The following KCTD8 variants were observed in gnomAD, a reference collection of about 807,000 sequenced individuals.
The protein encoded by KCTD8 is BTB/POZ domain-containing protein KCTD8.
In KCTD8, 27 loss-of-function variants were observed where a neutral mutation model predicts 31.5. That is an observed-to-expected ratio of 0.86 (90% CI 0.63 to 1.18). KCTD8 has a LOEUF of 1.18. KCTD8 is among the 50% of genes most tolerant of loss of function. The pLI, the probability that KCTD8 is intolerant of heterozygous loss-of-function variation, is 0.00. For missense variants in KCTD8, 658 were observed against 647.7 expected, an observed-to-expected ratio of 1.02 and a Z score of -0.17; for synonymous variants, 290 against 280.0, an observed-to-expected ratio of 1.04 and a Z score of -0.36.
In KCTD8 at chr4:44,448,452, G is replaced by T; in HGVS notation, c.72C>A (p.Ser24Arg). The change falls in exon 1 of 2, where the codon AGC becomes AGA. Residue 24 changes from serine (S) to arginine (R), a missense_variant. Transcript: ENST00000360029. This position sits in a 1 kb window ranked among gnomAD's most constrained non-coding sequence, Gnocchi z 4.1. ...CGGCGGCGGCCGACGCGCCGGGCGA[G>T]CTGGACGAGGAAACCATCTCGCTAA... ...LPISEMVSSSSSPGASAAAAP... is the reference protein window; with the variant it reads ...LPISEMVSSSRSPGASAAAAP... The T allele has an allele frequency of 6.5e-7, 1 of 1,546,134 alleles. No homozygotes were observed. The highest frequency in any genetic ancestry group is 8.7e-7 in the Non-Finnish European group (1 of 1,154,344).
intron 1 of KCTD8, among the ~76,000 whole-genome samples, chr4:44,265,663 T>C (rs181893196): frequency 2.4e-3 from 372 of 152,002 alleles, no homozygotes; most frequent in Non-Finnish European, 4.4e-3. Flanking sequence ...TAGACAAATG[T>C]ATAACTAGAA....
chr4:44,378,216 A>G (rs1450965567), intron 1 of KCTD8, among the ~76,000 whole-genome samples: 1 of 137,018 alleles, frequency 7.3e-6, no homozygotes, highest in African/African-American at 2.8e-5. Flanking sequence ...ATATGTATGT[A>G]TATTTTATAT....
At chr4:44,176,259 G>T (rs563883685) in intron 1 of KCTD8, among the ~76,000 whole-genome samples, 1 of 152,278 alleles carries the variant, frequency 6.6e-6, no homozygotes, top group South Asian at 2.1e-4. Flanking sequence ...CAATTGCCCA[G>T]GGGTTCTATT....
chr4:44,310,682 C>T (rs1717922622), intron 1 of KCTD8, among the ~76,000 whole-genome samples: 1 of 152,066 alleles, frequency 6.6e-6, no homozygotes, highest in Non-Finnish European at 1.5e-5. Flanking sequence ...AGGAATAAAA[C>T]ATAATTAGTT....
intron 1 of KCTD8, among the ~76,000 whole-genome samples, chr4:44,364,971 C>T (rs1719592323): frequency 1.3e-5 from 2 of 151,890 alleles, no homozygotes; most frequent in African/African-American, 4.8e-5. Context: ...AGAAACTATT[C>T]TGTATGAAAC....
intron 1 of KCTD8, among the ~76,000 whole-genome samples, chr4:44,360,860 G>C (rs1230013929): frequency 6.6e-6 from 1 of 151,832 alleles, no homozygotes; most frequent in Non-Finnish European, 1.5e-5. Context: ...ATTTACTTAT[G>C]TTTATATTTC....
At chr4:44,283,808 T>C (rs1363697229) in intron 1 of KCTD8, among the ~76,000 whole-genome samples, 1 of 152,022 alleles carries the variant, frequency 6.6e-6, no homozygotes, top group African/African-American at 2.4e-5. Context: ...TGTGCAAAAA[T>C]CACAAGCATT....
chr4:44,309,236 T>G (rs1336215114), intron 1 of KCTD8, among the ~76,000 whole-genome samples: 1 of 151,920 alleles, frequency 6.6e-6, no homozygotes, highest in Non-Finnish European at 1.5e-5. Flanking sequence ...ATGGGGTTTT[T>G]GCCATGTTGC....
Position 44,442,404 on chromosome 4 carries a change from C to T in KCTD8, c.961+5159G>A, listed in dbSNP as rs990529034. On this transcript the variant is annotated intron_variant, in intron 1 of 1. Coordinates refer to ENST00000360029, the MANE Select transcript of KCTD8 (RefSeq NM_198353.3). ...GAGTTCAAGACCAGCCTGTCCAACA[C>T]GGTGAAACCCCATCTCTACTAAAAA... 2.0e-5 allele frequency among the ~76,000 whole-genome samples: 3 copies of T among 151,958 alleles called. No individual in the cohort carries two copies. In the East Asian group the frequency reaches 5.8e-4, roughly 30 times the overall value.
intron 1 of KCTD8, among the ~76,000 whole-genome samples, chr4:44,426,858 G>A (rs186409157): frequency 1.3e-5 from 2 of 151,502 alleles, no homozygotes; most frequent in Admixed American, 1.3e-4. Context: ...CCAAAATTAG[G>A]TAAAGATAGT....
At chr4:44,181,481 C>T (rs192331282) in intron 1 of KCTD8, among the ~76,000 whole-genome samples, 4,848 of 152,302 alleles carry the variant, frequency 0.032, 141 homozygotes, top group Non-Finnish European at 0.044. Context: ...CTCCTAACCG[C>T]GAGTGATCTG....
At position 44,447,848 on chromosome 4, in the gene KCTD8, C is replaced by G; in HGVS notation, c.676G>C (p.Asp226His). The change falls in exon 1 of 2, where the codon GAC becomes CAC. Residue 226 changes from aspartate to histidine, a missense_variant. Coordinates refer to ENST00000360029, the MANE Select transcript of KCTD8 (RefSeq NM_198353.3). ...SYTTVRDNQA[D>H]AKFRRVARIM... ...CGCGCCACACGCCGGAATTTGGCGT[C>G]GGCCTGGTTGTCGCGCACGGTGGTG... The G allele has an allele frequency of 6.3e-7, 1 of 1,585,460 alleles. No homozygotes were observed. The highest frequency in any genetic ancestry group is 8.6e-7 in the Non-Finnish European group (1 of 1,163,926).
chr4:44,389,971 T>C (rs1720327070), intron 1 of KCTD8, among the ~76,000 whole-genome samples: 1 of 152,034 alleles, frequency 6.6e-6, no homozygotes, highest in Admixed American at 6.6e-5. Context: ...AGCCTACTTT[T>C]TGATGGGATT....
intron 1 of KCTD8, among the ~76,000 whole-genome samples, chr4:44,182,110 C>A (rs574259940): frequency 6.6e-6 from 1 of 151,678 alleles, no homozygotes; most frequent in East Asian, 2.0e-4. Context: ...CCGCCCCGTC[C>A]GGGAGGAAGG....
intron 1 of KCTD8, among the ~76,000 whole-genome samples, chr4:44,360,558 A>G (rs1719468952): frequency 6.6e-6 from 1 of 152,094 alleles, no homozygotes; most frequent in South Asian, 2.1e-4. Context: ...CTAAGGAACA[A>G]GTGTTTTCTT....
chr4:44,374,557 T>C (rs1719870967), intron 1 of KCTD8, among the ~76,000 whole-genome samples: 2 of 152,180 alleles, frequency 1.3e-5, no homozygotes, highest in Admixed American at 1.3e-4. Flanking sequence ...GCAAGAGACA[T>C]AGCTTTTGAT....
intron 1 of KCTD8, among the ~76,000 whole-genome samples, chr4:44,357,607 A>C (rs1719377141): frequency 6.6e-6 from 1 of 152,168 alleles, no homozygotes; most frequent in Admixed American, 6.5e-5. Flanking sequence ...TATTAAGCTA[A>C]AGTTCATGAA....
chr4:44,354,150 T>C (rs996471569), intron 1 of KCTD8, among the ~76,000 whole-genome samples: 3 of 152,152 alleles, frequency 2.0e-5, no homozygotes. Context: ...AAATGAAACT[T>C]ATTACTCTTC....
intron 1 of KCTD8, among the ~76,000 whole-genome samples, chr4:44,282,016 C>T (rs1185686727): frequency 3.3e-5 from 5 of 151,882 alleles, no homozygotes; most frequent in Non-Finnish European, 5.9e-5. Flanking sequence ...TATCCTAAAA[C>T]AAAAAAGAAA....
Sources: allele counts gnomAD v4.1 joint callset (sites outside exome capture counted in the v4.1 genomes callset), GRCh38; gene constraint gnomAD v4.1.1; non-coding constraint Gnocchi (gnomAD v3.1); transcripts MANE v1.5; gene names NCBI Gene and HGNC (gene_info 2026-07-23, HGNC 2026-07-21).